ADAMTSL1: variants seen among roughly 807,000 people sequenced by gnomAD.
ADAMTSL1 encodes the protein ADAMTS like 1, also known as ADAMTS-like protein 1.
ADAMTSL1 carries 126 observed loss-of-function variants against 201.8 expected under a neutral mutation model. That is an observed-to-expected ratio of 0.62 (90% CI 0.54 to 0.72). ADAMTSL1 has a LOEUF of 0.72. Among genes scored for constraint, ADAMTSL1 ranks in the 30% least tolerant of loss-of-function variants. The pLI, the probability that ADAMTSL1 is intolerant of heterozygous loss-of-function variation, is 0.00. For missense variants in ADAMTSL1, 2,679 were observed against 2,277.8 expected (o/e 1.18, Z -3.59); for synonymous variants, 1,121 against 903.4 (o/e 1.24, Z -4.32).
intron 2 of ADAMTSL1, among the ~76,000 whole-genome samples, chr9:18,397,913 C>A (rs1485319118): frequency 1.3e-5 from 2 of 152,056 alleles, no homozygotes; most frequent in Non-Finnish European, 2.9e-5. Context: ...TGTTTTCTCC[C>A]AGCCTCCATA....
intron 23 of ADAMTSL1, among the ~76,000 whole-genome samples, chr9:18,853,009 C>G (rs1024405839): frequency 3.3e-5 from 5 of 152,126 alleles, no homozygotes; most frequent in African/African-American, 7.2e-5. Flanking sequence ...CTTACTTGTT[C>G]TTTGCTACAC....
intron 2 of ADAMTSL1, among the ~76,000 whole-genome samples, chr9:18,451,868 C>A (rs941631877): frequency 6.6e-6 from 1 of 152,216 alleles, no homozygotes; most frequent in Non-Finnish European, 1.5e-5. Flanking sequence ...GTGGAAGATG[C>A]AAAGGCAAGA....
At chr9:18,712,501 G>A (rs913272267) in intron 14 of ADAMTSL1, among the ~76,000 whole-genome samples, 49 of 151,904 alleles carry the variant, frequency 3.2e-4, no homozygotes, top group Non-Finnish European at 4.4e-4. Flanking sequence ...GGGTATCAGC[G>A]ATGGAAGATG....
At chr9:18,157,729 CA>C (rs1827217120) in intron 1 of ADAMTSL1, among the ~76,000 whole-genome samples, 2 of 151,962 alleles carry the variant, frequency 1.3e-5, no homozygotes, top group South Asian at 4.2e-4. Flanking sequence ...CTCCAAACAC[CA>C]GGTATATAAA....
chr9:18,807,027 A>G (rs979491490), intron 20 of ADAMTSL1, among the ~76,000 whole-genome samples: 4 of 152,208 alleles, frequency 2.6e-5, no homozygotes, highest in Non-Finnish European at 5.9e-5. Flanking sequence ...TGTGGGTACA[A>G]TGAGGTCTGA....
chr9:17,941,114 A>G (rs1827222892), intron 1 of ADAMTSL1, among the ~76,000 whole-genome samples: 1 of 151,972 alleles, frequency 6.6e-6, no homozygotes, highest in Non-Finnish European at 1.5e-5. Context: ...GCCATTTTGA[A>G]GTTGTAGTTC....
intron 2 of ADAMTSL1, among the ~76,000 whole-genome samples, chr9:18,508,003 G>A (rs1248396773): frequency 6.6e-6 from 1 of 151,982 alleles, no homozygotes; most frequent in African/African-American, 2.4e-5. Flanking sequence ...TGGCCAATAT[G>A]GACAAACCCG....
At chr9:18,655,549 G>A (rs12684350) in intron 7 of ADAMTSL1, among the ~76,000 whole-genome samples, 40,946 of 151,672 alleles carry the variant, frequency 0.27, 6,085 homozygotes, top group East Asian at 0.68. Flanking sequence ...TCCTCACATT[G>A]GCTGTAAGAA....
intron 2 of ADAMTSL1, among the ~76,000 whole-genome samples, chr9:18,341,930 G>A (rs1835480202): frequency 6.6e-6 from 1 of 152,108 alleles, no homozygotes. Context: ...TAAGGTAAAT[G>A]TATGCTTGGT....
At chr9:18,356,169 G>T (rs1042561988) in intron 2 of ADAMTSL1, among the ~76,000 whole-genome samples, 1 of 152,236 alleles carries the variant, frequency 6.6e-6, no homozygotes, top group Admixed American at 6.5e-5. Flanking sequence ...CCCAAAGGCA[G>T]GAACATCCCC....
intron 1 of ADAMTSL1, among the ~76,000 whole-genome samples, chr9:18,482,260 A>G (rs1401011640): frequency 6.6e-6 from 1 of 152,206 alleles, no homozygotes. Flanking sequence ...CCGGACTCTA[A>G]TAGTTTCACC....
At chr9:17,955,233 C>T (rs887296425) in intron 1 of ADAMTSL1, among the ~76,000 whole-genome samples, 13 of 152,228 alleles carry the variant, frequency 8.5e-5, no homozygotes, top group Non-Finnish European at 1.8e-4. Flanking sequence ...TGTGGCCTTA[C>T]GGTTTTGGGT....
intron 4 of ADAMTSL1, among the ~76,000 whole-genome samples, chr9:18,589,666 G>A (rs1823782142): frequency 6.6e-6 from 1 of 152,106 alleles, no homozygotes; most frequent in Admixed American, 6.6e-5. Context: ...TTAGTGGAAA[G>A]GCTTTCAGTT....
chr9:18,116,315 C>G (rs556981788), intron 1 of ADAMTSL1, among the ~76,000 whole-genome samples: 9 of 152,232 alleles, frequency 5.9e-5, no homozygotes, highest in Non-Finnish European at 1.2e-4. Context: ...AGCAGAAAGT[C>G]AGGATGTGTA....
chr9:18,549,661 A>T (rs897375018), intron 3 of ADAMTSL1, among the ~76,000 whole-genome samples: 6 of 152,006 alleles, frequency 3.9e-5, no homozygotes, highest in Admixed American at 3.3e-4. Context: ...CTTTGAAGTT[A>T]GACATGACCA....
chr9:18,329,676 A>G (rs1013947693), intron 2 of ADAMTSL1, among the ~76,000 whole-genome samples: 1 of 152,206 alleles, frequency 6.6e-6, no homozygotes, highest in Admixed American at 6.5e-5. Context: ...GCAAGGAATC[A>G]AGCCATGTAT....
At chr9:17,927,683 C>G (rs1011723463) in intron 1 of ADAMTSL1, among the ~76,000 whole-genome samples, 25 of 151,980 alleles carry the variant, frequency 1.6e-4, no homozygotes, top group African/African-American at 4.3e-4. Flanking sequence ...ATAGCTTTTA[C>G]ATTGTATTAG....
intron 23 of ADAMTSL1, among the ~76,000 whole-genome samples, chr9:18,877,540 C>T (rs1316580850): frequency 1.3e-5 from 2 of 152,144 alleles, no homozygotes; most frequent in Non-Finnish European, 2.9e-5. Context: ...GGGCTTCTGG[C>T]TGGTACTGAG....
At chr9:18,305,074 G>A (rs2132751881) in intron 2 of ADAMTSL1, among the ~76,000 whole-genome samples, 1 of 152,210 alleles carries the variant, frequency 6.6e-6, no homozygotes, top group African/African-American at 2.4e-5. Flanking sequence ...AAGCAGGGTG[G>A]GGCATTGCCT....
Sources: gnomAD v4.1 joint callset for allele counts (sites outside exome capture counted in the v4.1 genomes callset) on GRCh38, gnomAD v4.1.1 for gene constraint, MANE v1.5 for transcripts, NCBI Gene and HGNC (gene_info 2026-07-23, HGNC 2026-07-21) for gene names.